DMBT1: variants seen among roughly 807,000 people sequenced by gnomAD.
DMBT1 encodes the protein deleted in malignant brain tumors 1.
DMBT1 carries 198 observed loss-of-function variants against 252.9 expected under a neutral mutation model. That is an observed-to-expected ratio of 0.78 (90% CI 0.70 to 0.88). The LOEUF (loss-of-function observed/expected upper bound fraction) is 0.88, where lower values mean the gene tolerates loss of function less well. Among genes scored for constraint, DMBT1 ranks in the 40% least tolerant of loss-of-function variants. The pLI, the probability that DMBT1 is intolerant of heterozygous loss-of-function variation, is 0.00. For missense variants in DMBT1, 2,432 were observed against 2,404.7 expected (o/e 1.01, Z -0.24); for synonymous variants, 990 against 942.7 (o/e 1.05, Z -0.92).
rs1407304395 is a variant in DMBT1, at chr10:122,643,088, T to C, written c.7353-34T>C. On this transcript the variant is annotated intron_variant, in intron 55 of 55. Transcript: ENST00000338354. ...GAGTCATGAAGGAAGAATCGGGCCTTGGTGAGAGCTAAGGGGCTACTGTTC... is the reference window on the plus strand; with the variant it reads ...GAGTCATGAAGGAAGAATCGGGCCTCGGTGAGAGCTAAGGGGCTACTGTTC... 1.9e-6 allele frequency: 3 copies of C among 1,601,614 alleles called. No individual in the cohort carries two copies. The African/African-American group carries it at 4.0e-5, about 21-fold the overall frequency.
At chr10:122,598,629 C>T (rs1591395066) in intron 25 of DMBT1, 145 bp from the exon 26 acceptor site, 3 of 1,526,154 alleles carry the variant, frequency 2.0e-6, no homozygotes, top group Middle Eastern at 2.5e-4. Context: ...TTTGATGAAG[C>T]TGAATCTCTG....
At chr10:122,568,499 G>C (rs1043678328) in intron 2 of DMBT1, among the ~76,000 whole-genome samples, 2 of 152,170 alleles carry the variant, frequency 1.3e-5, no homozygotes, top group Admixed American at 1.3e-4. Context: ...AAATAAGCAG[G>C]GTGGTGAGAG....
intron 10 of DMBT1, 80 bp downstream of exon 10, chr10:122,579,981 C>T: frequency 1.2e-6 from 2 of 1,601,904 alleles, no homozygotes; most frequent in Non-Finnish European, 1.7e-6. Context: ...TTCTGATCTC[C>T]TCACTCAAAG....
At chr10:122,600,136 T>A in intron 27 of DMBT1, 43 bp downstream of exon 27, 1 of 1,597,750 alleles carries the variant, frequency 6.3e-7, no homozygotes, top group South Asian at 1.1e-5. Context: ...CTTCTCTTTC[T>A]GCCCAATCAC....
Position 122,636,293 on chromosome 10 carries a change from AG to A in DMBT1, c.6757+96del, listed in dbSNP as rs138836645. 3,425 of 1,217,966 alleles carry A rather than the reference AG, an allele frequency of 2.8e-3. 88 individuals are homozygous for A. The African/African-American group carries it at 0.047, about 17-fold the overall frequency. 75.4% of individuals were successfully genotyped at this position (1,217,966 alleles called of 1,614,324 possible). A position where few individuals can be genotyped will look rare whatever the true frequency, so the allele number is the denominator to read the frequency against. Reference sequence around the variant, plus strand: ...CCTGTTGTTGTGAAATAAGAAATGAAGGAACCCTTTCAGGTCACCAGGGCTT... The same window carrying A: ...CCTGTTGTTGTGAAATAAGAAATGAAGAACCCTTTCAGGTCACCAGGGCTT... On this transcript the variant is annotated intron_variant, in intron 53 of 55. Transcript: ENST00000338354.
In DMBT1 at chr10:122,570,297, A is replaced by G. The variant is rs1273080905; in HGVS notation, c.139+88A>G. 4.2e-5 allele frequency: 47 copies of G among 1,108,824 alleles called. 1 individual carries two copies. The highest frequency in any genetic ancestry group is 2.6e-4 in the South Asian group (20 of 78,054). 68.7% of individuals were successfully genotyped at this position (1,108,824 alleles called of 1,614,324 possible). A position where few individuals can be genotyped will look rare whatever the true frequency, so the allele number is the denominator to read the frequency against. On this transcript the variant is annotated intron_variant, in intron 3 of 55. Coordinates refer to ENST00000338354, the MANE Select transcript of DMBT1 (RefSeq NM_001377530.1). ...CTGATCCAGAAGAGATGCAGAAGCCATACTTCTAGCAACTCTGGCATTCAG... is the reference window on the plus strand; with the variant it reads ...CTGATCCAGAAGAGATGCAGAAGCCGTACTTCTAGCAACTCTGGCATTCAG...
intron 19 of DMBT1, among the ~76,000 whole-genome samples, chr10:122,591,947 C>T (rs1438569872): frequency 6.7e-6 from 1 of 149,082 alleles, no homozygotes; most frequent in Non-Finnish European, 1.5e-5. Flanking sequence ...AACTCTTCGA[C>T]ATGGGGATAG....
intron 1 of DMBT1, among the ~76,000 whole-genome samples, chr10:122,561,492 A>G (rs1434313865): frequency 6.6e-6 from 1 of 152,092 alleles, no homozygotes; most frequent in African/African-American, 2.4e-5. Flanking sequence ...CTGCATCTCA[A>G]TGGCATTTTG....
chr10:122,628,753 A>G (rs1307278215), intron 46 of DMBT1, among the ~76,000 whole-genome samples: 1 of 152,268 alleles, frequency 6.6e-6, no homozygotes, highest in African/African-American at 2.4e-5. Flanking sequence ...AATTTGTTTT[A>G]TATGAAATGT....
At chr10:122,641,051 C>A (rs931369628) in intron 55 of DMBT1, among the ~76,000 whole-genome samples, 13 of 152,164 alleles carry the variant, frequency 8.5e-5, no homozygotes, top group Admixed American at 7.9e-4. Context: ...CAGGAATGTG[C>A]ACTGAAGATG....
chr10:122,573,139 C>T (rs1018283253), intron 5 of DMBT1, among the ~76,000 whole-genome samples: 4 of 152,194 alleles, frequency 2.6e-5, no homozygotes, highest in African/African-American at 7.2e-5. Flanking sequence ...GCAACTCTGT[C>T]ATTTGGAGTG....
In DMBT1 at chr10:122,586,561, G is replaced by T. The variant is rs2097791559; in HGVS notation, c.1783+178G>T. ...CACCACATTGCCAGGTTTTGAGGAG[G>T]TCAGAGAGGACAATGGGCCAAAGTG... On this transcript the variant is annotated intron_variant, in intron 16 of 55. Coordinates refer to ENST00000338354, the MANE Select transcript of DMBT1 (RefSeq NM_001377530.1). 1.3e-5 allele frequency among the ~76,000 whole-genome samples: 2 copies of T among 148,432 alleles called. 1 individual carries two copies. Among genetic ancestry groups the T allele is most frequent in the African/African-American group, 4.9e-5 (2 of 41,098 alleles).
chr10:122,578,392 G>A lies in DMBT1; in HGVS notation c.638-326G>A, dbSNP rs567533412. On this transcript the variant is annotated intron_variant, in intron 8 of 55. Coordinates refer to ENST00000338354, the MANE Select transcript of DMBT1 (RefSeq NM_001377530.1). ...GACCCCTAGTATCCCGAACATTTTA[G>A]CTGCAAGTGTCAAGTCTTGGCAGTG... Among the ~76,000 whole-genome samples the A allele has an allele frequency of 1.7e-3, 262 of 152,304 alleles. 3 individuals carry two copies. The highest frequency in any genetic ancestry group is 9.4e-4 in the Non-Finnish European group (64 of 68,032).
intron 42 of DMBT1, 95 bp from the exon 43 acceptor site, chr10:122,620,158 T>C (rs2098049176): frequency 7.6e-7 from 1 of 1,312,504 alleles, no homozygotes; most frequent in African/African-American, 1.5e-5. Flanking sequence ...AGAAATTGAA[T>C]AGTTTTCATG....
chr10:122,623,113 A>G (rs1414720098), intron 44 of DMBT1, among the ~76,000 whole-genome samples: 2 of 151,748 alleles, frequency 1.3e-5, no homozygotes, highest in East Asian at 1.9e-4. Flanking sequence ...CTGCCTCTGT[A>G]TACAGATTTT....
At chr10:122,600,622 A>T (rs2097941698) in intron 27 of DMBT1, among the ~76,000 whole-genome samples, 1 of 152,110 alleles carries the variant, frequency 6.6e-6, no homozygotes. Flanking sequence ...CTGATTCCTG[A>T]TTGTCCCCTG....
chr10:122,566,573 G>A (rs1810412), intron 2 of DMBT1, among the ~76,000 whole-genome samples: 5,849 of 152,230 alleles, frequency 0.038, 170 homozygotes, highest in Non-Finnish European at 0.058. Flanking sequence ...GCCTCCCAAA[G>A]TGCTGGGGTT....
At chr10:122,618,704 C>G (rs914898792) in intron 41 of DMBT1, among the ~76,000 whole-genome samples, 8 of 152,216 alleles carry the variant, frequency 5.3e-5, no homozygotes, top group Admixed American at 1.3e-4. Flanking sequence ...GGGAGGGATC[C>G]TCTCACTACA....
At chr10:122,600,025 T>A (rs1436122091) in intron 26 of DMBT1, 39 bp from the exon 27 acceptor site, 8 of 1,607,566 alleles carry the variant, frequency 5.0e-6, no homozygotes, top group Non-Finnish European at 6.8e-6. Flanking sequence ...GACTTCTGTG[T>A]AATGTTCCTG....
Sources: allele counts gnomAD v4.1 joint callset (sites outside exome capture counted in the v4.1 genomes callset), GRCh38; gene constraint gnomAD v4.1.1; transcripts MANE v1.5; gene names NCBI Gene and HGNC (gene_info 2026-07-23, HGNC 2026-07-21).